The following EMSY variants were observed in gnomAD, a reference collection of about 807,000 sequenced individuals.
EMSY encodes EMSY transcriptional repressor, BRCA2 interacting.
Under a neutral mutation model 134.6 loss-of-function variants are expected in EMSY, and 26 were observed. That is an observed-to-expected ratio of 0.19 (90% CI 0.14 to 0.27). The LOEUF is 0.27. Ranked by LOEUF, EMSY falls within the 10% of genes least tolerant of loss-of-function variation. EMSY has a pLI of 1.00. For synonymous variants in EMSY, 579 were observed against 577.8 expected, an observed-to-expected ratio of 1.00 and a Z score of -0.03; for missense variants, 1,305 against 1,611.4, an observed-to-expected ratio of 0.81 and a Z score of 3.26.
chr11:76,471,221 T>C (rs1948556127), intron 7 of EMSY, among the ~76,000 whole-genome samples: 1 of 152,162 alleles, frequency 6.6e-6, no homozygotes, highest in Admixed American at 6.5e-5. Context: ...TTTTAAAAAA[T>C]GGACTTTATT....
At chr11:76,481,338 C>T (rs921797508) in intron 8 of EMSY, among the ~76,000 whole-genome samples, 3 of 152,160 alleles carry the variant, frequency 2.0e-5, no homozygotes, top group African/African-American at 4.8e-5. Flanking sequence ...CCACCACGCC[C>T]GGCCAGGAGT....
At chr11:76,549,594 G>A (rs1341728546) in intron 20 of EMSY, among the ~76,000 whole-genome samples, 1 of 152,194 alleles carries the variant, frequency 6.6e-6, no homozygotes, top group African/African-American at 2.4e-5. Flanking sequence ...TTTGTTAGAA[G>A]AGGCACCATA....
At chr11:76,456,454 CTTAAT>C (rs1947877101) in intron 4 of EMSY, among the ~76,000 whole-genome samples, 1 of 150,400 alleles carries the variant, frequency 6.6e-6, no homozygotes, top group Non-Finnish European at 1.5e-5. Flanking sequence ...GTAGATGTCA[CTTAAT>C]TTGTGTGGTA....
intron 8 of EMSY, among the ~76,000 whole-genome samples, chr11:76,490,771 T>G (rs1345149188): frequency 2.0e-5 from 3 of 152,204 alleles, no homozygotes; most frequent in Non-Finnish European, 4.4e-5. Context: ...AATCAGTCAT[T>G]TTTTCAAGAA....
intron 2 of EMSY, among the ~76,000 whole-genome samples, chr11:76,451,092 C>G (rs963111853): frequency 6.6e-6 from 1 of 152,096 alleles, no homozygotes; most frequent in African/African-American, 2.4e-5. Flanking sequence ...CCACTGCACC[C>G]GGCCTGACAG....
At chr11:76,468,113 A>G (rs912641347) in intron 7 of EMSY, among the ~76,000 whole-genome samples, 1 of 152,176 alleles carries the variant, frequency 6.6e-6, no homozygotes. Flanking sequence ...ATGAGGACTC[A>G]GTGAAGTTTG....
intron 8 of EMSY, among the ~76,000 whole-genome samples, chr11:76,473,993 G>T (rs1045829507): frequency 2.0e-5 from 3 of 151,924 alleles, no homozygotes; most frequent in Admixed American, 2.0e-4. Context: ...AGCCGGGCAT[G>T]GTAGTGCACA....
chr11:76,489,342 G>A (rs1001275307), intron 8 of EMSY, among the ~76,000 whole-genome samples: 1 of 124,780 alleles, frequency 8.0e-6, no homozygotes, highest in Non-Finnish European at 1.7e-5. Flanking sequence ...TGGTCTACTT[G>A]TTATGTCAGT....
intron 7 of EMSY, among the ~76,000 whole-genome samples, chr11:76,470,917 T>C (rs1225096482): frequency 6.6e-6 from 1 of 152,150 alleles, no homozygotes; most frequent in Non-Finnish European, 1.5e-5. Flanking sequence ...ATTCTCTCTG[T>C]CTGGAATGAT....
At chr11:76,498,852 A>AT (rs1225257086) in intron 9 of EMSY, among the ~76,000 whole-genome samples, 2 of 152,002 alleles carry the variant, frequency 1.3e-5, no homozygotes, top group Non-Finnish European at 2.9e-5. Context: ...CACATAGTGT[A>AT]TTTTTTTCTC....
exon 5 of EMSY, chr11:76,458,287 A>C: frequency 1.2e-6 from 2 of 1,613,960 alleles, no homozygotes; most frequent in Non-Finnish European, 1.7e-6. Flanking sequence ...GTAACAGCTA[A>C]TGCTGTTGCT....
chr11:76,527,784 A>G (rs1042678139), intron 13 of EMSY, among the ~76,000 whole-genome samples: 3 of 151,968 alleles, frequency 2.0e-5, no homozygotes, highest in Non-Finnish European at 4.4e-5. Context: ...AATGAAAAAA[A>G]AAAAGAAAAG....
At chr11:76,451,760 A>T in intron 2 of EMSY, 98 bp from the exon 3 acceptor site, 1 of 546,200 alleles carries the variant, frequency 1.8e-6, no homozygotes, top group South Asian at 4.4e-5. Flanking sequence ...ATTTTTATTT[A>T]ATTATTTTTA....
intron 17 of EMSY, among the ~76,000 whole-genome samples, chr11:76,540,363 ATTG>A (rs1357083501): frequency 2.0e-5 from 3 of 152,044 alleles, no homozygotes; most frequent in Admixed American, 1.3e-4. Context: ...TACTTCAGTC[ATTG>A]TTGTTTTAGT....
intron 14 of EMSY, among the ~76,000 whole-genome samples, chr11:76,533,346 G>C (rs1951110602): frequency 6.6e-6 from 1 of 152,082 alleles, no homozygotes. Context: ...AAAAGAATTG[G>C]TCTTTGTGGA....
chr11:76,499,711 G>A (rs578055079), intron 9 of EMSY, among the ~76,000 whole-genome samples: 1 of 151,494 alleles, frequency 6.6e-6, no homozygotes, highest in Admixed American at 6.6e-5. Context: ...CTTTTTTCTT[G>A]CCTATTTGTA....
chr11:76,459,859 A>G (rs992600837), intron 5 of EMSY, 74 bp from the exon 7 acceptor site: 5 of 1,556,048 alleles, frequency 3.2e-6, no homozygotes, highest in African/African-American at 1.4e-5. Context: ...TTGGCCTGCA[A>G]TAAAAATAAT....
chr11:76,523,063 A>G (rs1950703177), intron 11 of EMSY, 92 bp from the exon 13 acceptor site: 1 of 1,246,466 alleles, frequency 8.0e-7, no homozygotes, highest in African/African-American at 1.5e-5. Flanking sequence ...AATGACATTT[A>G]CTATATGTAC....
intron 13 of EMSY, among the ~76,000 whole-genome samples, chr11:76,527,750 A>G (rs1393600486): frequency 1.3e-5 from 2 of 151,974 alleles, no homozygotes; most frequent in Admixed American, 1.3e-4. Flanking sequence ...CAGGTGTGTC[A>G]ATTAGGAATT....
Sources: gnomAD v4.1 joint callset for allele counts (sites outside exome capture counted in the v4.1 genomes callset) on GRCh38, gnomAD v4.1.1 for gene constraint, MANE v1.5 for transcripts, NCBI Gene and HGNC (gene_info 2026-07-23, HGNC 2026-07-21) for gene names.